Variants in RTN4 observed in about 807,000 individuals in gnomAD.
RTN4 encodes reticulon-4.
RTN4 carries 32 observed loss-of-function variants against 90.4 expected under a neutral mutation model. The ratio of observed to expected loss-of-function variants is 0.35; its 90% confidence interval spans 0.27 to 0.48. The LOEUF (loss-of-function observed/expected upper bound fraction) is 0.48, where lower values mean the gene tolerates loss of function less well. RTN4 is among the 20% of genes least tolerant of loss of function. The pLI is 0.99. For synonymous variants in RTN4, 629 were observed against 552.5 expected, an observed-to-expected ratio of 1.14 and a Z score of -1.94; for missense variants, 1,706 against 1,430.2, an observed-to-expected ratio of 1.19 and a Z score of -3.11.
intron 3 of RTN4, among the ~76,000 whole-genome samples, chr2:55,020,481 C>T (rs1305492783): frequency 1.3e-5 from 2 of 150,244 alleles, no homozygotes; most frequent in African/African-American, 2.4e-5. Flanking sequence ...ATTGATACTA[C>T]TACTGAGAAA....
intron 3 of RTN4, among the ~76,000 whole-genome samples, chr2:55,023,607 C>T (rs2104848737): frequency 6.6e-6 from 1 of 152,114 alleles, no homozygotes; most frequent in Middle Eastern, 3.4e-3. Context: ...TCTGCCAGCA[C>T]CTGTAATCAG....
chr2:54,983,023 G>C (rs1348550561), intron 4 of RTN4, among the ~76,000 whole-genome samples: 3 of 151,208 alleles, frequency 2.0e-5, no homozygotes, highest in Non-Finnish European at 4.4e-5. Context: ...ATGCAACTGA[G>C]CACAAGGATG....
intron 2 of RTN4, among the ~76,000 whole-genome samples, chr2:55,067,207 T>C (rs1668409618): frequency 6.6e-6 from 1 of 152,208 alleles, no homozygotes; most frequent in Admixed American, 6.5e-5. Flanking sequence ...ATGATTGCTC[T>C]GAATCTCAAT....
chr2:55,109,078 AACAC>A (rs1440769181), intron 1 of RTN4, among the ~76,000 whole-genome samples: 1 of 152,128 alleles, frequency 6.6e-6, no homozygotes, highest in African/African-American at 2.4e-5. Context: ...CGAACCTTTA[AACAC>A]ACACACTTTT....
At chr2:55,034,458 G>C (rs1205859507) in intron 1 of RTN4, among the ~76,000 whole-genome samples, 1 of 152,102 alleles carries the variant, frequency 6.6e-6, no homozygotes, top group African/African-American at 2.4e-5. Flanking sequence ...GTTATGATCA[G>C]GCCACTGGAC....
intron 1 of RTN4, among the ~76,000 whole-genome samples, chr2:55,086,290 CAG>C (rs1223716001): frequency 1.3e-5 from 2 of 152,080 alleles, no homozygotes; most frequent in African/African-American, 4.8e-5. Context: ...CATGCTAACT[CAG>C]ATTATAAGTT....
intron 2 of RTN4, among the ~76,000 whole-genome samples, chr2:55,061,612 C>T (rs1398512867): frequency 6.6e-6 from 1 of 152,156 alleles, no homozygotes; most frequent in African/African-American, 2.4e-5. Flanking sequence ...GAAACAGGAA[C>T]AATTCTTCTA....
At chr2:55,051,090 G>A (rs1020427392), upstream of RTN4, among the ~76,000 whole-genome samples, 1 of 152,102 alleles carries the variant, frequency 6.6e-6, no homozygotes, top group East Asian at 1.9e-4. Context: ...CCTAAAATAA[G>A]AAAAAAATTG....
At chr2:55,068,460 T>C (rs891355700) in intron 2 of RTN4, among the ~76,000 whole-genome samples, 3 of 152,166 alleles carry the variant, frequency 2.0e-5, no homozygotes, top group Non-Finnish European at 4.4e-5. Context: ...GAAACTGTCA[T>C]ACTCACAGTG....
intron 5 of RTN4, among the ~76,000 whole-genome samples, chr2:54,978,117 A>G (rs1253174539): frequency 6.6e-6 from 1 of 152,196 alleles, no homozygotes; most frequent in African/African-American, 2.4e-5. Flanking sequence ...TCTGAGGAAG[A>G]TGGTTTCACA....
At chr2:55,133,857 G>C in the RTN4 span, among the ~76,000 whole-genome samples, 1 of 152,174 alleles carries the variant, frequency 6.6e-6, no homozygotes, top group Admixed American at 6.5e-5. Flanking sequence ...CTCCAAACAG[G>C]AAGAGCGAGC....
rs539515430 is a variant in RTN4, at chr2:55,034,098, T to C, written c.557-5878A>G. On this transcript the variant is annotated intron_variant, in intron 1 of 8. Transcript: ENST00000337526. ...GAGGCTTACAGGAGCCAAGTCTGTA[T>C]TTCCCCTAAGAACAATGATTCAGTA... Among the ~76,000 whole-genome samples the C allele has an allele frequency of 2.6e-5, 4 of 152,318 alleles. No individual in the cohort carries two copies. The East Asian group carries it at 5.8e-4, about 22-fold the overall frequency.
At chr2:54,977,031 G>A (rs536092175) in intron 5 of RTN4, among the ~76,000 whole-genome samples, 1 of 152,210 alleles carries the variant, frequency 6.6e-6, no homozygotes, top group African/African-American at 2.4e-5. Flanking sequence ...TAAATTCACT[G>A]TGTATAACAC....
At position 54,982,535 on chromosome 2, in the gene RTN4, C is replaced by A; in HGVS notation, c.3340G>T (p.Asp1114Tyr). The A allele has an allele frequency of 6.2e-7, 1 of 1,610,848 alleles. No homozygotes were observed. Among genetic ancestry groups the A allele is most frequent in the Non-Finnish European group, 8.5e-7 (1 of 1,179,162 alleles). Residue 1114 changes from aspartate (D) to tyrosine (Y), a missense_variant, in exon 5 of 9, where the codon GAT becomes TAT. Coordinates refer to ENST00000337526, the MANE Select transcript of RTN4 (RefSeq NM_020532.5). ...KELRRLFLVD[D>Y]LVDSLKFAVL... ...CTTACCTTCAGAGAATCAACTAAAT[C>A]ATCAACTAAGAAGAGGCGCCTGAGT...
chr2:55,022,973 C>G lies in RTN4; in HGVS notation c.3013+2113G>C, dbSNP rs576693975. Among the ~76,000 whole-genome samples, 59 of 150,556 alleles carry G rather than the reference C, an allele frequency of 3.9e-4. 1 individual carries two copies. The highest frequency in any genetic ancestry group is 3.7e-3 in the Admixed American group (55 of 15,054). ...GCATTCTTTCTCTCCCCTACTTTGA[C>G]CACAATCTCCTATCATTCTGGCATG... On this transcript the variant is annotated intron_variant, in intron 3 of 8. Transcript: ENST00000337526.
At chr2:55,038,958 G>C (rs948747399) in intron 1 of RTN4, among the ~76,000 whole-genome samples, 1 of 152,196 alleles carries the variant, frequency 6.6e-6, no homozygotes, top group Non-Finnish European at 1.5e-5. Flanking sequence ...TCATTAGTAA[G>C]TCTTAAAAGC....
At chr2:55,135,576 T>G in the RTN4 span, among the ~76,000 whole-genome samples, 2 of 152,236 alleles carry the variant, frequency 1.3e-5, no homozygotes, top group African/African-American at 4.8e-5. Context: ...TCTGCTTCTT[T>G]TTTTACACTT....
At chr2:55,112,756 G>C (rs1668061078), upstream of RTN4, 1 of 152,284 alleles carries the variant, frequency 6.6e-6, no homozygotes, top group Non-Finnish European at 1.5e-5. Context: ...ATCATCAAAA[G>C]AGAGTTGGGG....
intron 3 of RTN4, among the ~76,000 whole-genome samples, chr2:54,997,228 C>A (rs1679500031): frequency 6.6e-6 from 1 of 152,058 alleles, no homozygotes; most frequent in Non-Finnish European, 1.5e-5. Flanking sequence ...AGAAGGTACA[C>A]AAATGGCCAA....
Sources: gnomAD v4.1 joint callset for allele counts (sites outside exome capture counted in the v4.1 genomes callset) on GRCh38, gnomAD v4.1.1 for gene constraint, MANE v1.5 for transcripts, NCBI Gene and HGNC (gene_info 2026-07-23, HGNC 2026-07-21) for gene names.